Variants in ELK4 observed in about 807,000 individuals in gnomAD.
ELK4 encodes the protein ETS domain-containing protein Elk-4.
A neutral mutation model predicts 29.6 loss-of-function variants in ELK4; 16 were observed. That is an observed-to-expected ratio of 0.54 (90% CI 0.37 to 0.82). The LOEUF is 0.82. Among genes scored for constraint, ELK4 ranks in the 40% least tolerant of loss-of-function variants. ELK4 has a pLI of 0.00. For missense variants in ELK4, 465 were observed against 507.1 expected, an observed-to-expected ratio of 0.92 and a Z score of 0.80; for synonymous variants, 213 against 191.1, an observed-to-expected ratio of 1.11 and a Z score of -0.95.
intron 2 of ELK4, among the ~76,000 whole-genome samples, chr1:205,621,948 A>G (rs1169572943): frequency 6.6e-6 from 1 of 150,732 alleles, no homozygotes; most frequent in Non-Finnish European, 1.5e-5. Flanking sequence ...ACAGTGGCTC[A>G]CGCCTGTAAT....
chr1:205,617,417 TA>T (rs1670248980), intron 4 of ELK4, among the ~76,000 whole-genome samples: 1 of 152,138 alleles, frequency 6.6e-6, no homozygotes, highest in South Asian at 2.1e-4. Flanking sequence ...TTATAACATC[TA>T]AGTGTTTTGG....
chr1:205,630,052 CAACAA>C (rs1197470679), intron 1 of ELK4, among the ~76,000 whole-genome samples: 1 of 150,744 alleles, frequency 6.6e-6, no homozygotes, highest in Non-Finnish European at 1.5e-5. Flanking sequence ...AACAAAAACA[CAACAA>C]AACAAAACCA....
At chr1:205,624,004 C>T in intron 1 of ELK4, 113 bp from the exon 2 acceptor site, 1 of 968,314 alleles carries the variant, frequency 1.0e-6, no homozygotes, top group Non-Finnish European at 1.5e-6. Flanking sequence ...CCCCACATTT[C>T]TATAAGGTAG....
chr1:205,624,162 C>T (rs1036693794), intron 1 of ELK4, among the ~76,000 whole-genome samples: 1 of 152,202 alleles, frequency 6.6e-6, no homozygotes. Context: ...GGATGCCACG[C>T]TGCTTAAGAA....
At position 205,610,550 on chromosome 1, in the gene ELK4, C is replaced by T. The variant is rs1000123412; in HGVS notation, c.*5996G>A. The T allele has an allele frequency of 5.2e-5, 12 of 229,592 alleles. No individual in the cohort carries two copies. Among genetic ancestry groups the T allele is most frequent in the African/African-American group, 2.4e-4 (11 of 45,158 alleles). 14.2% of individuals were successfully genotyped at this position (229,592 alleles called of 1,614,324 possible). ...CCTTATTTGCTCAATAATACATGAA[C>T]CTAAGAGAACAGTTTACTATGACTT... On this transcript the variant is annotated 3_prime_UTR_variant, in exon 5 of 5. Transcript: ENST00000357992.
In ELK4 at chr1:205,631,874, G is replaced by T. The variant is rs2102389971; in HGVS notation, c.-252C>A. ...CCCCGCCCCCGCACGCGGCAGCGGC[G>T]GCGCGGGTCTTGGGGCCGCTACACG... On this transcript the variant is annotated 5_prime_UTR_variant, in exon 1 of 5. Transcript: ENST00000357992. The T allele has an allele frequency of 6.7e-6, 1 of 148,722 alleles. No individual in the cohort carries two copies. The highest frequency in any genetic ancestry group is 3.4e-3 in the Middle Eastern group (1 of 294). The allele number at this position is 148,722 out of a possible 1,614,324, so 9.2% of individuals were successfully genotyped here.
rs1397869890 is a variant in ELK4 at position 205,613,150 on chromosome 1, A to G, written c.*3396T>C. ...ATGCCATGAGCAATATAACATCACA[A>G]ACGTACTGTGACAAACCATTAATAA... On this transcript the variant is annotated 3_prime_UTR_variant, in exon 5 of 5. Coordinates refer to ENST00000357992, the MANE Select transcript of ELK4 (RefSeq NM_001973.4). 1 of 196,436 alleles carries G rather than the reference A, an allele frequency of 5.1e-6. No homozygotes were observed. The highest frequency in any genetic ancestry group is 1.1e-5 in the Non-Finnish European group (1 of 94,724). 12.2% of individuals were successfully genotyped at this position (196,436 alleles called of 1,614,324 possible). A position where few individuals can be genotyped will look rare whatever the true frequency, so the allele number is the denominator to read the frequency against.
In ELK4 at chr1:205,612,280, A is replaced by G. The variant is rs373723352; in HGVS notation, c.*4266T>C. 2.0e-4 allele frequency: 42 copies of G among 206,930 alleles called. No individual in the cohort carries two copies. The highest frequency in any genetic ancestry group is 9.3e-4 in the African/African-American group (41 of 43,978). The allele number at this position is 206,930 out of a possible 1,614,324, so 12.8% of individuals were successfully genotyped here. On this transcript the variant is annotated 3_prime_UTR_variant, in exon 5 of 5. Coordinates refer to ENST00000357992, the MANE Select transcript of ELK4 (RefSeq NM_001973.4). ...AAGAGAGCATCATATATGTTTGGAG[A>G]TTAGAATGAGAATATCCTGAGTCAG...
intron 1 of ELK4, among the ~76,000 whole-genome samples, chr1:205,629,605 T>C (rs568747569): frequency 1.2e-4 from 19 of 152,114 alleles, no homozygotes; most frequent in Admixed American, 2.6e-4. Flanking sequence ...TAATTCCAGC[T>C]ACTAGGGAGG....
intron 1 of ELK4, among the ~76,000 whole-genome samples, chr1:205,631,413 C>CAAGT (rs1553244783): frequency 0.99 from 150,797 of 151,738 alleles, 74,939 homozygotes; most frequent in Middle Eastern, 1. Context: ...TTCGGGGGAC[C>CAAGT]AAGAGGCGAC....
chr1:205,629,229 T>G (rs977073521), intron 1 of ELK4, among the ~76,000 whole-genome samples: 1 of 151,408 alleles, frequency 6.6e-6, no homozygotes, highest in Non-Finnish European at 1.5e-5. Flanking sequence ...ACTGAAGTAT[T>G]AGAAATGAAT....
At chr1:205,621,539 AG>A (rs1359639556) in intron 2 of ELK4, among the ~76,000 whole-genome samples, 26 of 152,086 alleles carry the variant, frequency 1.7e-4, no homozygotes, top group African/African-American at 6.0e-4. Flanking sequence ...TATTTTTTTG[AG>A]ATGGAGTCTC....
Position 205,608,348 on chromosome 1 carries a change from C to G in ELK4, c.*8198G>C, listed in dbSNP as rs1024266545. The G allele has an allele frequency of 1.1e-5, 2 of 186,690 alleles. No homozygotes were observed. The highest frequency in any genetic ancestry group is 2.3e-5 in the African/African-American group (1 of 42,602). 11.6% of individuals were successfully genotyped at this position (186,690 alleles called of 1,614,324 possible). A position where few individuals can be genotyped will look rare whatever the true frequency, so the allele number is the denominator to read the frequency against. The stretch of plus-strand genomic sequence containing the variant: ...TGCTTTTGCATCCTTTCGCTCACCT[C>G]TCTACACTCTATAAAGTTTCTCTGC... On this transcript the variant is annotated 3_prime_UTR_variant, in exon 5 of 5. Coordinates refer to ENST00000357992, the MANE Select transcript of ELK4 (RefSeq NM_001973.4).
rs564752568 is a variant in ELK4 at position 205,616,795 on chromosome 1, T to C, written c.1198-151A>G. 6.7e-6 allele frequency: 4 copies of C among 600,782 alleles called. No homozygotes were observed. In the South Asian group the frequency reaches 8.2e-5, roughly 12 times the overall value. 37.2% of individuals were successfully genotyped at this position (600,782 alleles called of 1,614,324 possible). ...GGCTGTTTATCATGAAAGAATATGA[T>C]GTCATAACAAAAACTAGAAACAAAA... is the stretch of plus-strand genomic sequence containing the variant. On this transcript the variant is annotated intron_variant, in intron 4 of 4. Coordinates refer to ENST00000357992, the MANE Select transcript of ELK4 (RefSeq NM_001973.4).
rs1465336400 is a variant in ELK4 at position 205,613,372 on chromosome 1, A to C, written c.*3174T>G. On this transcript the variant is annotated 3_prime_UTR_variant, in exon 5 of 5. Coordinates refer to ENST00000357992, the MANE Select transcript of ELK4 (RefSeq NM_001973.4). ...AAAAAGAAAAAGAAAAAGATCACTG[A>C]AGTCAGACATGATATTTTAATTTTG... 8.7e-5 allele frequency: 16 copies of C among 184,466 alleles called. No individual in the cohort carries two copies. The highest frequency in any genetic ancestry group is 1.6e-4 in the Non-Finnish European group (14 of 87,056). 11.4% of individuals were successfully genotyped at this position (184,466 alleles called of 1,614,324 possible).
chr1:205,625,526 C>A (rs888341099), intron 1 of ELK4: 1 of 764,810 alleles, frequency 1.3e-6, no homozygotes. Context: ...AAGAAACGGG[C>A]GGCTCCGAGA....
intron 1 of ELK4, 67 bp downstream of exon 1, chr1:205,631,565 C>T (rs2102389501): frequency 6.2e-6 from 1 of 160,288 alleles, no homozygotes; most frequent in African/African-American, 2.4e-5. Context: ...CGGCCCCCGC[C>T]CCCGCTCCCG....
At chr1:205,623,466 C>A (rs531746664) in intron 2 of ELK4, among the ~76,000 whole-genome samples, 10 of 152,006 alleles carry the variant, frequency 6.6e-5, no homozygotes, top group African/African-American at 2.4e-4. Flanking sequence ...CCCACCACCA[C>A]GCCCAGCTAA....
chr1:205,616,302 A>G lies in ELK4; in HGVS notation c.*244T>C. ...AGAAAAGAAAAGGAAGGAAGGAAAG[A>G]AAAAGAAAAGGAAAAGACAGAGGGA... On this transcript the variant is annotated 3_prime_UTR_variant, in exon 5 of 5. Transcript: ENST00000357992. The G allele has an allele frequency of 2.6e-6, 1 of 383,580 alleles. No homozygotes were observed. The highest frequency in any genetic ancestry group is 4.8e-6 in the Non-Finnish European group (1 of 209,460). 23.8% of individuals were successfully genotyped at this position (383,580 alleles called of 1,614,324 possible).
Sources: gnomAD v4.1 joint callset for allele counts (sites outside exome capture counted in the v4.1 genomes callset) on GRCh38, gnomAD v4.1.1 for gene constraint, MANE v1.5 for transcripts, NCBI Gene and HGNC (gene_info 2026-07-23, HGNC 2026-07-21) for gene names.